Variants in WDR36 observed in about 807,000 individuals in gnomAD.
WDR36 encodes WD repeat domain 36.
In WDR36, 63 loss-of-function variants were observed where a neutral mutation model predicts 112.7. That is an observed-to-expected ratio of 0.56 (90% CI 0.46 to 0.69). The LOEUF is 0.69. Ranked by LOEUF, WDR36 falls within the 30% of genes least tolerant of loss-of-function variation. The pLI, the probability that WDR36 is intolerant of heterozygous loss-of-function variation, is 0.00. For synonymous variants in WDR36, 410 were observed against 362.2 expected (o/e 1.13, Z -1.50); for missense variants, 1,226 against 1,070.3 (o/e 1.15, Z -2.03).
At chr5:111,116,706 A>G (rs1281294398) in intron 16 of WDR36, among the ~76,000 whole-genome samples, 2 of 152,204 alleles carry the variant, frequency 1.3e-5, no homozygotes. Context: ...GTGGCAGTGT[A>G]GAATATGCTG....
intron 21 of WDR36, among the ~76,000 whole-genome samples, chr5:111,125,067 GA>G (rs2112592725): frequency 6.6e-6 from 1 of 152,300 alleles, no homozygotes; most frequent in African/African-American, 2.4e-5. Context: ...TTCTTCTAGG[GA>G]AAAGAAGTAG....
Position 111,092,551 on chromosome 5 carries a change from G to A in WDR36, c.95G>A (p.Arg32Gln). 1 of 1,614,218 alleles carries A rather than the reference G, an allele frequency of 6.2e-7. No homozygotes were observed. The highest frequency in any genetic ancestry group is 1.3e-5 in the African/African-American group (1 of 75,078). ...AGCAACGACATTCCACACGTGGTGC[G>A]GTTCAGCGCGCTCAAGCGCCGGTTC... is the stretch of plus-strand genomic sequence containing the variant. ...LFSNDIPHVV[R>Q]FSALKRRFYV... Residue 32 changes from arginine to glutamine, a missense_variant, in exon 1 of 23, where the codon CGG becomes CAG. By Grantham distance (43) the Arg-to-Gln change is conservative. Transcript: ENST00000513710.
chr5:111,098,481 G>T lies in WDR36; in HGVS notation c.292-241G>T, dbSNP rs182679420. On this transcript the variant is annotated intron_variant, in intron 3 of 22. Coordinates refer to ENST00000513710, the MANE Select transcript of WDR36 (RefSeq NM_139281.3). Reference sequence around the variant, plus strand: ...CAAGATGGAAGGCAGAGCCTCAGAGGTCTCATTTCTTTGTTCTTAATGGAC... The same window carrying T: ...CAAGATGGAAGGCAGAGCCTCAGAGTTCTCATTTCTTTGTTCTTAATGGAC... Among the ~76,000 whole-genome samples the T allele has an allele frequency of 2.4e-3, 361 of 152,238 alleles. 1 individual carries two copies. Among genetic ancestry groups the T allele is most frequent in the Middle Eastern group, 0.01 (3 of 294 alleles).
At chr5:111,106,032 A>T (rs1254333222) in intron 10 of WDR36, 25 bp from the exon 11 acceptor site, 2 of 1,543,116 alleles carry the variant, frequency 1.3e-6, no homozygotes, top group South Asian at 2.2e-5. Context: ...ATAGCTATGT[A>T]TGTTCCCCTT....
intron 21 of WDR36, among the ~76,000 whole-genome samples, 159 bp downstream of exon 21, chr5:111,124,348 A>G (rs1753632850): frequency 1.3e-5 from 2 of 152,142 alleles, no homozygotes; most frequent in African/African-American, 4.8e-5. Flanking sequence ...TAGCATTTAT[A>G]TTAAATAAGC....
Position 111,104,679 on chromosome 5 carries a change from G to A in WDR36, c.907-18G>A, listed in dbSNP as rs190144369. The A allele has an allele frequency of 3.6e-4, 582 of 1,610,654 alleles. No individual in the cohort carries two copies. Among genetic ancestry groups the A allele is most frequent in the African/African-American group, 3.3e-3 (245 of 74,812 alleles). ...GATGGAACATTGTAGAAGAACTGAC[G>A]TTTTTATTTCTTGGCAGATATGGAT... On this transcript the variant is annotated intron_variant, in intron 8 of 22. Transcript: ENST00000513710.
At chr5:111,095,099 A>G in intron 2 of WDR36, 152 bp downstream of exon 2, 1 of 702,772 alleles carries the variant, frequency 1.4e-6, no homozygotes, top group Non-Finnish European at 2.4e-6. Flanking sequence ...GTGCCAGGAT[A>G]AATCATGTTT....
Position 111,092,449 on chromosome 5 carries a change from C to G in WDR36, c.-8C>G, listed in dbSNP as rs1183288088. 15 of 1,614,192 alleles carry G rather than the reference C, an allele frequency of 9.3e-6. No individual in the cohort carries two copies. The highest frequency in any genetic ancestry group is 1.3e-5 in the Non-Finnish European group (15 of 1,180,036). On this transcript the variant is annotated 5_prime_UTR_variant, in exon 1 of 23. Transcript: ENST00000513710. ...CCAGAGCTGAGAGGAGCTGGGATCG[C>G]GGCGGCAATGGAACGGGCCTCAGAA... is the stretch of plus-strand genomic sequence containing the variant.
At chr5:111,105,401 A>G in intron 10 of WDR36, 41 bp downstream of exon 10, 1 of 1,543,170 alleles carries the variant, frequency 6.5e-7, no homozygotes, top group Non-Finnish European at 9.0e-7. Context: ...TCACGAAAGA[A>G]ACATTTCAAC....
At chr5:111,099,720 G>A (rs17623337) in intron 4 of WDR36, among the ~76,000 whole-genome samples, 5,779 of 151,856 alleles carry the variant, frequency 0.038, 176 homozygotes, top group South Asian at 0.15. Context: ...AGTGACTGAC[G>A]AATAAAGGCA....
intron 10 of WDR36, 85 bp from the exon 11 acceptor site, chr5:111,105,972 A>T: frequency 9.5e-7 from 1 of 1,056,182 alleles, no homozygotes; most frequent in South Asian, 1.3e-5. Context: ...CTTTATAGTT[A>T]CAAGACTGAT....
chr5:111,113,117 A>T lies in WDR36; in HGVS notation c.1760A>T (p.Asp587Val). ...CGTTGGTTAATAAGTGCTGCGATGG[A>T]TTGCTCTATTAGGACTTGGGACCTT... ...DGRWLISAAM[D>V]CSIRTWDLPS... Residue 587 changes from aspartate to valine, a missense_variant, in exon 16 of 23, where the codon GAT becomes GTT. Asp to Val is a radical substitution (Grantham distance 152). Coordinates refer to ENST00000513710, the MANE Select transcript of WDR36 (RefSeq NM_139281.3). 1 of 1,582,032 alleles carries T rather than the reference A, an allele frequency of 6.3e-7. No homozygotes were observed. The highest frequency in any genetic ancestry group is 8.6e-7 in the Non-Finnish European group (1 of 1,162,292).
intron 16 of WDR36, among the ~76,000 whole-genome samples, chr5:111,115,077 C>A (rs1267533215): frequency 6.6e-6 from 1 of 152,098 alleles, no homozygotes; most frequent in African/African-American, 2.4e-5. Context: ...GCTCTAGTAT[C>A]TTTATTTTTA....
At chr5:111,122,171 A>G (rs1014832614) in intron 19 of WDR36, among the ~76,000 whole-genome samples, 4 of 152,196 alleles carry the variant, frequency 2.6e-5, no homozygotes, top group Non-Finnish European at 5.9e-5. Context: ...CATGCTGTCC[A>G]CACATCAGCT....
At chr5:111,123,515 A>T (rs1394406392) in intron 19 of WDR36, among the ~76,000 whole-genome samples, 2 of 152,200 alleles carry the variant, frequency 1.3e-5, no homozygotes, top group African/African-American at 2.4e-5. Context: ...CTTCATGTAA[A>T]TATATTCATA....
At chr5:111,113,052 A>ATATATATTTT (rs35527062) in intron 15 of WDR36, 22 bp from the exon 16 acceptor site, 11 of 473,636 alleles carry the variant, frequency 2.3e-5, no homozygotes, top group African/African-American at 2.3e-4. Context: ...ATATATATAT[A>ATATATATTTT]TTTTTTTTTT....
rs141994078 is a variant in WDR36 at position 111,110,814 on chromosome 5, G to A, written c.1468G>A (p.Ala490Thr). 1.7e-5 allele frequency: 28 copies of A among 1,610,850 alleles called. No homozygotes were observed. Among genetic ancestry groups the A allele is most frequent in the Admixed American group, 3.4e-5 (2 of 59,654 alleles). Residue 490 changes from alanine to threonine, a missense_variant, in exon 14 of 23, where the codon GCA becomes ACA. Coordinates refer to ENST00000513710, the MANE Select transcript of WDR36 (RefSeq NM_139281.3). The stretch of plus-strand genomic sequence containing the variant: ...TCACAAGGGATCTGTTAGAGGTGTC[G>A]CAGTGGATGGATTAAACCAGTTGAC... Reference protein sequence around the residue: ...QAHKGSVRGVAVDGLNQLTVT... With the variant: ...QAHKGSVRGVTVDGLNQLTVT...
intron 11 of WDR36, among the ~76,000 whole-genome samples, chr5:111,106,901 C>T (rs762898902): frequency 3.3e-5 from 5 of 151,116 alleles, no homozygotes; most frequent in African/African-American, 1.2e-4. Flanking sequence ...GTTATCCCCC[C>T]CAGGTAATTT....
chr5:111,113,688 G>A (rs2112581628), intron 16 of WDR36, among the ~76,000 whole-genome samples: 1 of 152,150 alleles, frequency 6.6e-6, no homozygotes, highest in Non-Finnish European at 1.5e-5. Context: ...TTACACTTTG[G>A]GGGATTGAGA....
Sources: allele counts gnomAD v4.1 joint callset (sites outside exome capture counted in the v4.1 genomes callset), GRCh38; gene constraint gnomAD v4.1.1; transcripts MANE v1.5; gene names NCBI Gene and HGNC (gene_info 2026-07-23, HGNC 2026-07-21).